The following ABCA1 variants were observed in gnomAD, a reference collection of about 807,000 sequenced individuals.
The protein encoded by ABCA1 is phospholipid-transporting ATPase ABCA1.
Under a neutral mutation model 262.5 loss-of-function variants are expected in ABCA1, and 133 were observed. The observed-to-expected ratio is 0.51, with a 90% CI of 0.44 to 0.59. The LOEUF (loss-of-function observed/expected upper bound fraction) is 0.59, where lower values mean the gene tolerates loss of function less well. Among genes scored for constraint, ABCA1 ranks in the 20% least tolerant of loss-of-function variants. The pLI, the probability that ABCA1 is intolerant of heterozygous loss-of-function variation, is 0.00. For synonymous variants in ABCA1, 1,022 were observed against 1,043.5 expected (o/e 0.98, Z 0.40); for missense variants, 2,452 against 2,777.5 (o/e 0.88, Z 2.63).
intron 3 of ABCA1, among the ~76,000 whole-genome samples, chr9:104,888,141 G>A (rs148317038): frequency 0.016 from 2,470 of 151,856 alleles, 33 homozygotes; most frequent in Non-Finnish European, 0.024. Flanking sequence ...GTAAATAACT[G>A]TTGCTATATA....
At chr9:104,842,871 G>A (rs998996677) in intron 8 of ABCA1, among the ~76,000 whole-genome samples, 2 of 151,982 alleles carry the variant, frequency 1.3e-5, no homozygotes, top group Non-Finnish European at 2.9e-5. Flanking sequence ...CCAAAGTCTT[G>A]CCAGGCCTGT....
chr9:104,876,533 A>C lies in ABCA1; in HGVS notation c.421+6506T>G, dbSNP rs1439134823. 2.0e-5 allele frequency among the ~76,000 whole-genome samples: 3 copies of C among 152,230 alleles called. No individual in the cohort carries two copies. In the South Asian group the frequency reaches 6.2e-4, roughly 32 times the overall value. ...TGGGAGAGGAGCAGGCCTTGGGACC[A>C]AGTGGATGCCTGAGCGGAAATGTTC... is the stretch of plus-strand genomic sequence containing the variant. On this transcript the variant is annotated intron_variant, in intron 5 of 49. Coordinates refer to ENST00000374736, the MANE Select transcript of ABCA1 (RefSeq NM_005502.4).
chr9:104,899,909 G>A (rs1840527497), intron 2 of ABCA1, among the ~76,000 whole-genome samples: 1 of 152,154 alleles, frequency 6.6e-6, no homozygotes, highest in Non-Finnish European at 1.5e-5. Flanking sequence ...CCCCAGCCCT[G>A]TTTGTACTGA....
At position 104,888,951 on chromosome 9, in the gene ABCA1, T is replaced by C. The variant is rs10512334; in HGVS notation, c.160+151A>G. 7.8e-3 allele frequency: 5,761 copies of C among 740,622 alleles called. 250 individuals are homozygous for C. The African/African-American group carries it at 0.087, about 11-fold the overall frequency. The allele number at this position is 740,622 out of a possible 1,614,324, so 45.9% of individuals were successfully genotyped here. A position where few individuals can be genotyped will look rare whatever the true frequency, so the allele number is the denominator to read the frequency against. ...AACAGTCTCCTGAGTTCATGCCTTA[T>C]CAACAAATTAGAAGCCTAGGTTTTC... On this transcript the variant is annotated intron_variant, in intron 3 of 49. Transcript: ENST00000374736.
chr9:104,910,891 G>A (rs1171676952), intron 1 of ABCA1, among the ~76,000 whole-genome samples: 1 of 151,940 alleles, frequency 6.6e-6, no homozygotes, highest in Non-Finnish European at 1.5e-5. Context: ...ATTTTTAATA[G>A]AGACAGGGTT....
Position 104,884,528 on chromosome 9 carries a change from A to T in ABCA1, c.201T>A (p.Leu67=). The part of the protein sequence containing the change: ...PNKAMPSAGT[L]PWVQGIICNA... ...TACAGATAATCCCCTGAACCCAAGG[A>T]AGTGTTCCTGCAGAGGGCATGGCTT... is the stretch of plus-strand genomic sequence containing the variant. The change falls in exon 4 of 50, where the codon CTT becomes CTA. Residue 67 remains leucine (L), a synonymous_variant. Coordinates refer to ENST00000374736, the MANE Select transcript of ABCA1 (RefSeq NM_005502.4). 6.2e-7 allele frequency: 1 copy of T among 1,614,256 alleles called. No individual in the cohort carries two copies. Among genetic ancestry groups the T allele is most frequent in the Non-Finnish European group, 8.5e-7 (1 of 1,180,042 alleles).
At chr9:104,909,654 A>ACACACACACACATACACG (rs770801372) in intron 1 of ABCA1, among the ~76,000 whole-genome samples, 3 of 146,618 alleles carry the variant, frequency 2.0e-5, no homozygotes, top group African/African-American at 7.6e-5. Context: ...ACACACACAC[A>ACACACACACACATACACG]TTCACAGGAA....
chr9:104,875,736 G>T (rs1318858814), intron 5 of ABCA1, among the ~76,000 whole-genome samples: 1 of 152,084 alleles, frequency 6.6e-6, no homozygotes, highest in Non-Finnish European at 1.5e-5. Context: ...CCTCACTGGA[G>T]AAGGCAAGAT....
intron 5 of ABCA1, among the ~76,000 whole-genome samples, chr9:104,869,968 C>A (rs1837456489): frequency 6.6e-6 from 1 of 152,174 alleles, no homozygotes; most frequent in African/African-American, 2.4e-5. Context: ...AATGCTGACT[C>A]ACACATACTC....
In ABCA1 at chr9:104,786,925, A is replaced by C; in HGVS notation, c.6256T>G (p.Cys2086Gly). The C allele has an allele frequency of 6.2e-7, 1 of 1,614,092 alleles. No homozygotes were observed. Among genetic ancestry groups the C allele is most frequent in the South Asian group, 1.1e-5 (1 of 91,078 alleles). Reference sequence around the variant, plus strand: ...CCCTCCTTGACAACACTTAGGGCACAATTCCACAAGAACCGCCGGGCTTTG... The same window carrying C: ...CCCTCCTTGACAACACTTAGGGCACCATTCCACAAGAACCGCCGGGCTTTG... ...DPKARRFLWN[C>G]ALSVVKEGRS... The change falls in exon 47 of 50, where the codon TGT becomes GGT. Residue 2086 changes from cysteine (C) to glycine (G), a missense_variant. Around this residue, in one of 4 missense-constraint regions of ABCA1, gnomAD observed 752 missense variants for 944.5 expected, o/e 0.80. Transcript: ENST00000374736.
chr9:104,821,436 C>G lies in ABCA1; in HGVS notation c.2899G>C (p.Glu967Gln). 1 of 1,614,126 alleles carries G rather than the reference C, an allele frequency of 6.2e-7. No homozygotes were observed. Among genetic ancestry groups the G allele is most frequent in the African/African-American group, 1.3e-5 (1 of 75,038 alleles). Residue 967 changes from glutamate to glutamine, a missense_variant, in exon 20 of 50, where the codon GAG becomes CAG. Around this residue, in one of 4 missense-constraint regions of ABCA1, gnomAD observed 665 missense variants for 727.3 expected, o/e 0.91. Coordinates refer to ENST00000374736, the MANE Select transcript of ABCA1 (RefSeq NM_005502.4). ...AGGTTCTGCCGGATGGTGCTCATCT[C>G]AGAGCGAATGTCTTTTCCCAGGATG... ...AYILGKDIRS[E>Q]MSTIRQNLGV...
chr9:104,799,413 CA>C (rs1830152996), intron 36 of ABCA1: 1 of 965,418 alleles, frequency 1.0e-6, no homozygotes, highest in African/African-American at 2.1e-5. Context: ...CACACACACA[CA>C]CACACACACA....
chr9:104,862,097 CCTTTT>C (rs1313903289), intron 5 of ABCA1, among the ~76,000 whole-genome samples: 1 of 150,310 alleles, frequency 6.7e-6, no homozygotes, highest in Non-Finnish European at 1.5e-5. Context: ...CACAGCCTTT[CCTTTT>C]CTTTTTTTTT....
chr9:104,791,272 C>T (rs1448752113), intron 43 of ABCA1, among the ~76,000 whole-genome samples: 1 of 152,122 alleles, frequency 6.6e-6, no homozygotes, highest in East Asian at 1.9e-4. Flanking sequence ...GTGTGAAAAA[C>T]AGTAATGAAA....
intron 5 of ABCA1, among the ~76,000 whole-genome samples, chr9:104,864,394 G>A (rs1564203068): frequency 6.6e-6 from 1 of 152,076 alleles, no homozygotes; most frequent in African/African-American, 2.4e-5. Flanking sequence ...CTGTTCTTGG[G>A]AGAAACAGGA....
At chr9:104,792,723 G>T in intron 42 of ABCA1, 63 bp downstream of exon 42, 1 of 1,610,592 alleles carries the variant, frequency 6.2e-7, no homozygotes. Context: ...GCAAACTGCT[G>T]GGTTACAGCA....
chr9:104,896,720 T>A (rs796240502), intron 2 of ABCA1, among the ~76,000 whole-genome samples: 156 of 57,866 alleles, frequency 2.7e-3, no homozygotes, highest in African/African-American at 0.018. Flanking sequence ...TCTTTTTTTT[T>A]TTTTTTTTTT....
chr9:104,817,204 C>T lies in ABCA1; in HGVS notation c.3535+128G>A. 1 of 1,578,216 alleles carries T rather than the reference C, an allele frequency of 6.3e-7. No individual in the cohort carries two copies. The highest frequency in any genetic ancestry group is 8.6e-7 in the Non-Finnish European group (1 of 1,165,882). ...AGCTGCTCCCACACCCGCAGCCACC[C>T]AGCCCCAGCCCAGCAGCAAACCTTG... On this transcript the variant is annotated intron_variant, in intron 24 of 49. Coordinates refer to ENST00000374736, the MANE Select transcript of ABCA1 (RefSeq NM_005502.4). The surrounding 1 kb of genome is among the most constrained non-coding windows in gnomAD (Gnocchi z 4.7).
chr9:104,838,147 G>A (rs550099193), intron 9 of ABCA1, among the ~76,000 whole-genome samples: 1 of 151,804 alleles, frequency 6.6e-6, no homozygotes, highest in Non-Finnish European at 1.5e-5. Flanking sequence ...CCAACATGGA[G>A]AAACCCTGTC....
Sources: gnomAD v4.1 joint callset for allele counts (sites outside exome capture counted in the v4.1 genomes callset) on GRCh38, gnomAD v4.1.1 for gene constraint, gnomAD v4.1.1 regional missense constraint, Gnocchi (gnomAD v3.1) non-coding constraint, MANE v1.5 for transcripts, NCBI Gene and HGNC (gene_info 2026-07-23, HGNC 2026-07-21) for gene names.